The following ADAMTS18 variants were observed in gnomAD, a reference collection of about 807,000 sequenced individuals.
The protein encoded by ADAMTS18 is A disintegrin and metalloproteinase with thrombospondin motifs 18.
Under a neutral mutation model 165.9 loss-of-function variants are expected in ADAMTS18, and 157 were observed. The observed-to-expected ratio is 0.95, with a 90% CI of 0.83 to 1.08. ADAMTS18 has a LOEUF of 1.08. Ranked by LOEUF, ADAMTS18 falls within the 50% of genes least tolerant of loss-of-function variation. The probability of loss-of-function intolerance (pLI) is 0.00; values close to 1 mark genes in which losing one functional copy is unlikely to be tolerated. For missense variants in ADAMTS18, 2,040 were observed against 1,534.0 expected (o/e 1.33, Z -5.51); for synonymous variants, 782 against 578.2 (o/e 1.35, Z -5.06).
intron 7 of ADAMTS18, among the ~76,000 whole-genome samples, chr16:77,361,703 G>T (rs8050451): frequency 0.013 from 1,907 of 152,238 alleles, 37 homozygotes; most frequent in African/African-American, 0.044. Flanking sequence ...GGCCAACATG[G>T]TGGAAACCCG....
At chr16:77,326,365 G>A (rs2056096153) in intron 12 of ADAMTS18, among the ~76,000 whole-genome samples, 1 of 152,072 alleles carries the variant, frequency 6.6e-6, no homozygotes, top group Non-Finnish European at 1.5e-5. Flanking sequence ...AAACACTGAT[G>A]AAAGAAGTTT....
intron 3 of ADAMTS18, among the ~76,000 whole-genome samples, chr16:77,418,272 A>C (rs1056483399): frequency 6.6e-6 from 1 of 152,208 alleles, no homozygotes; most frequent in Admixed American, 6.5e-5. Flanking sequence ...ATGACAATGA[A>C]ATAAACAGCA....
Position 77,283,245 on chromosome 16 carries a change from A to G in ADAMTS18, c.*711T>C, listed in dbSNP as rs1199392871. On this transcript the variant is annotated 3_prime_UTR_variant, in exon 23 of 23. Transcript: ENST00000282849. ...TCTTTTCTATGAGTTGTTTCCTTGC[A>G]TGAATTTCAATTACATGGAGATCTT... 7 of 152,652 alleles carry G rather than the reference A, an allele frequency of 4.6e-5. No individual in the cohort carries two copies. Among genetic ancestry groups the G allele is most frequent in the African/African-American group, 1.7e-4 (7 of 41,444 alleles). The allele number at this position is 152,652 out of a possible 1,614,324, so 9.5% of individuals were successfully genotyped here. A position where few individuals can be genotyped will look rare whatever the true frequency, so the allele number is the denominator to read the frequency against.
intron 3 of ADAMTS18, among the ~76,000 whole-genome samples, chr16:77,420,550 C>T (rs751711555): frequency 7.2e-5 from 11 of 152,104 alleles, no homozygotes; most frequent in African/African-American, 1.2e-4. Flanking sequence ...TCATACACAC[C>T]GAGGTTAAAT....
chr16:77,417,519 C>T (rs758301956), intron 3 of ADAMTS18, among the ~76,000 whole-genome samples: 7 of 152,260 alleles, frequency 4.6e-5, no homozygotes, highest in East Asian at 1.9e-4. Context: ...AACGAAGGGA[C>T]GGCAGAGAAA....
intron 16 of ADAMTS18, among the ~76,000 whole-genome samples, chr16:77,308,428 G>A (rs892617170): frequency 3.9e-5 from 6 of 152,110 alleles, no homozygotes; most frequent in African/African-American, 1.4e-4. Context: ...GTGTATGTGG[G>A]TGAGAGAGAT....
chr16:77,286,802 A>T (rs1162985923), intron 22 of ADAMTS18, among the ~76,000 whole-genome samples: 1 of 152,160 alleles, frequency 6.6e-6, no homozygotes, highest in African/African-American at 2.4e-5. Context: ...ACCCAGTTTC[A>T]ATGCAGTGTG....
intron 3 of ADAMTS18, among the ~76,000 whole-genome samples, chr16:77,376,869 C>T (rs2056961573): frequency 7.4e-6 from 1 of 134,692 alleles, no homozygotes; most frequent in Non-Finnish European, 1.5e-5. Context: ...GGCTGGAGTG[C>T]AGTGGGGTGA....
chr16:77,303,337 A>T (rs2055621302), intron 16 of ADAMTS18, among the ~76,000 whole-genome samples: 2 of 152,156 alleles, frequency 1.3e-5, no homozygotes, highest in Non-Finnish European at 1.5e-5. Flanking sequence ...CTTCCATACT[A>T]CATTGTCTAC....
At chr16:77,309,432 G>T (rs952265470) in intron 16 of ADAMTS18, among the ~76,000 whole-genome samples, 23 of 152,064 alleles carry the variant, frequency 1.5e-4, no homozygotes, top group Non-Finnish European at 2.4e-4. Flanking sequence ...AATCAATGGG[G>T]CCAGCACTGT....
At chr16:77,329,473 T>C (rs2343050) in intron 12 of ADAMTS18, among the ~76,000 whole-genome samples, 49,053 of 152,004 alleles carry the variant, frequency 0.32, 8,490 homozygotes, top group East Asian at 0.62. Context: ...TTTAACCTCC[T>C]CATTTGCAAA....
chr16:77,361,749 T>A (rs959362404), intron 7 of ADAMTS18, among the ~76,000 whole-genome samples: 1 of 152,098 alleles, frequency 6.6e-6, no homozygotes, highest in Non-Finnish European at 1.5e-5. Flanking sequence ...CCAGGCATGG[T>A]GGCAGGTGCC....
chr16:77,291,005 G>C (rs965154296), intron 21 of ADAMTS18: 2 of 424,114 alleles, frequency 4.7e-6, no homozygotes, highest in East Asian at 9.6e-5. Flanking sequence ...TGGCCTGGTG[G>C]TAAGTGTTTT....
chr16:77,374,906 A>C (rs2056927321), intron 3 of ADAMTS18, among the ~76,000 whole-genome samples: 1 of 152,206 alleles, frequency 6.6e-6, no homozygotes, highest in African/African-American at 2.4e-5. Context: ...GATATTAAAA[A>C]AGAAAAGTAT....
At chr16:77,316,147 C>A (rs192203508) in intron 16 of ADAMTS18, among the ~76,000 whole-genome samples, 8 of 152,332 alleles carry the variant, frequency 5.3e-5, no homozygotes, top group Admixed American at 5.2e-4. Context: ...TTCACAGTCA[C>A]CATCTGTTTC....
intron 3 of ADAMTS18, among the ~76,000 whole-genome samples, chr16:77,425,105 A>G (rs779423311): frequency 1.3e-5 from 2 of 152,182 alleles, no homozygotes; most frequent in African/African-American, 2.4e-5. Flanking sequence ...TTGAAATCCA[A>G]TTGTTTCCAA....
chr16:77,401,863 C>G (rs1055976898), intron 3 of ADAMTS18, among the ~76,000 whole-genome samples: 1 of 152,180 alleles, frequency 6.6e-6, no homozygotes, highest in African/African-American at 2.4e-5. Flanking sequence ...CTAGGACATC[C>G]ACACTCCAGG....
rs1270620430 is a variant in ADAMTS18, at chr16:77,363,766, G to A, written c.1056+36C>T. 2.5e-6 allele frequency: 4 copies of A among 1,581,164 alleles called. No individual in the cohort carries two copies. The African/African-American group carries it at 5.4e-5, about 21-fold the overall frequency. On this transcript the variant is annotated intron_variant, in intron 6 of 22. Transcript: ENST00000282849. ...TTCAAGAAATGTATTCTGAACGGCAGACTGAATGAAGACATAAATGAAGTT... is the reference window on the plus strand; with the variant it reads ...TTCAAGAAATGTATTCTGAACGGCAAACTGAATGAAGACATAAATGAAGTT...
chr16:77,294,864 C>G, intron 19 of ADAMTS18, 59 bp downstream of exon 19: 1 of 1,531,666 alleles, frequency 6.5e-7, no homozygotes, highest in Non-Finnish European at 9.0e-7. Flanking sequence ...AGCAAAGACA[C>G]CTCTACTTTT....
Sources: gnomAD v4.1 joint callset for allele counts (sites outside exome capture counted in the v4.1 genomes callset) on GRCh38, gnomAD v4.1.1 for gene constraint, MANE v1.5 for transcripts, NCBI Gene and HGNC (gene_info 2026-07-23, HGNC 2026-07-21) for gene names.